The following GABRB3 variants were observed in gnomAD, a reference collection of about 807,000 sequenced individuals.
The protein encoded by GABRB3 is gamma-aminobutyric acid receptor subunit beta-3.
Under a neutral mutation model 52.1 loss-of-function variants are expected in GABRB3, and 14 were observed. The observed-to-expected ratio is 0.27, with a 90% confidence interval of 0.18 to 0.42. The LOEUF is 0.42. Ranked by LOEUF, GABRB3 falls within the 10% of genes least tolerant of loss-of-function variation. The pLI, the probability that GABRB3 is intolerant of heterozygous loss-of-function variation, is 1.00. For missense variants in GABRB3, 307 were observed against 609.1 expected, an observed-to-expected ratio of 0.50 and a Z score of 5.22; for synonymous variants, 260 against 232.3, an observed-to-expected ratio of 1.12 and a Z score of -1.08.
At chr15:26,629,091 G>A in intron 3 of GABRB3, 3 of 1,535,886 alleles carry the variant, frequency 2.0e-6, no homozygotes, top group Admixed American at 2.0e-5. Context: ...AGTTGTGACT[G>A]TCGCTTCCTC....
rs56830417 is a variant in GABRB3 at position 26,554,101 on chromosome 15, T to TATGTGTATATATA, written c.1081-5968_1081-5967insTATATATACACAT. Among the ~76,000 whole-genome samples the TATGTGTATATATA allele has an allele frequency of 3.3e-3, 234 of 69,996 alleles. 7 individuals carry two copies. Among genetic ancestry groups the TATGTGTATATATA allele is most frequent in the Admixed American group, 0.021 (104 of 5,008 alleles). The allele number at this position is 69,996 out of a possible 152,430, so 45.9% of individuals were successfully genotyped here. A position where few individuals can be genotyped will look rare whatever the true frequency, so the allele number is the denominator to read the frequency against. ...ATATAAAGTGTATATATGTATAAAGTGTGTGTATATATATAAAGTGTGTGT... is the reference window on the plus strand; with the variant it reads ...ATATAAAGTGTATATATGTATAAAGTATGTGTATATATAGTGTGTATATATATAAAGTGTGTGT... On this transcript the variant is annotated intron_variant, in intron 8 of 8. Transcript: ENST00000311550.
chr15:26,655,858 C>A lies in GABRB3; in HGVS notation c.241-34324G>T, dbSNP rs925119427. Reference sequence around the variant, plus strand: ...CTGCTAATCAGCTCATTAGACAGACCAAAGAGAAAGCTCATTATTGTTTTC... The same window carrying A: ...CTGCTAATCAGCTCATTAGACAGACAAAAGAGAAAGCTCATTATTGTTTTC... On this transcript the variant is annotated intron_variant, in intron 3 of 8. Coordinates refer to ENST00000311550, the MANE Select transcript of GABRB3 (RefSeq NM_000814.6). 1.4e-4 allele frequency among the ~76,000 whole-genome samples: 22 copies of A among 152,088 alleles called. 1 individual carries two copies. The highest frequency in any genetic ancestry group is 2.9e-5 in the Non-Finnish European group (2 of 68,024).
chr15:26,592,937 C>G (rs553317170), intron 4 of GABRB3, among the ~76,000 whole-genome samples: 35 of 152,168 alleles, frequency 2.3e-4, no homozygotes, highest in Non-Finnish European at 3.4e-4. Context: ...ATTGCTTGAA[C>G]CTGGGAGGTG....
At chr15:26,620,730 G>A (rs1325614549) in intron 4 of GABRB3, among the ~76,000 whole-genome samples, 3 of 152,156 alleles carry the variant, frequency 2.0e-5, no homozygotes, top group Non-Finnish European at 4.4e-5. Context: ...GGTTTCCAGG[G>A]CAACCAGGGA....
At chr15:26,640,711 C>G (rs1028975564) in intron 3 of GABRB3, among the ~76,000 whole-genome samples, 1 of 152,178 alleles carries the variant, frequency 6.6e-6, no homozygotes, top group Non-Finnish European at 1.5e-5. Context: ...TTCAAAGTGT[C>G]CTTTATGTTT....
In GABRB3 at chr15:26,755,526, AT is replaced by A. The variant is rs1890637529; in HGVS notation, c.240+16875del. The stretch of plus-strand genomic sequence containing the variant: ...ATGAAAGTATATGCTATTTTTTACT[AT>A]TATATGAGATGATGTTGGAATAATG... On this transcript the variant is annotated intron_variant, in intron 3 of 8. Coordinates refer to ENST00000311550, the MANE Select transcript of GABRB3 (RefSeq NM_000814.6). Among the ~76,000 whole-genome samples the A allele has an allele frequency of 4.6e-5, 7 of 152,278 alleles. 1 individual carries two copies. The Middle Eastern group carries it at 0.017, about 370-fold the overall frequency.
chr15:26,735,419 C>T (rs1890039237), intron 3 of GABRB3, among the ~76,000 whole-genome samples: 1 of 152,116 alleles, frequency 6.6e-6, no homozygotes. Flanking sequence ...TTCTGGGAAT[C>T]CCACCCAAAA....
intron 3 of GABRB3, among the ~76,000 whole-genome samples, chr15:26,729,383 C>A (rs1490297662): frequency 6.6e-6 from 1 of 152,080 alleles, no homozygotes; most frequent in Non-Finnish European, 1.5e-5. Flanking sequence ...GCTCCTGAAC[C>A]CAAGAAGGCT....
At chr15:26,615,329 C>T in intron 4 of GABRB3, 1 of 985,354 alleles carries the variant, frequency 1.0e-6, no homozygotes, top group Middle Eastern at 5.2e-4. Flanking sequence ...TTTAGGATGG[C>T]ATGCATACCC....
chr15:26,690,106 A>T (rs972081479), intron 3 of GABRB3, among the ~76,000 whole-genome samples: 1 of 137,486 alleles, frequency 7.3e-6, no homozygotes, highest in Non-Finnish European at 1.5e-5. Flanking sequence ...AGGTACACGG[A>T]TTTTTTTTTT....
intron 3 of GABRB3, among the ~76,000 whole-genome samples, chr15:26,702,180 G>T (rs561219032): frequency 6.6e-6 from 1 of 152,182 alleles, no homozygotes; most frequent in South Asian, 2.1e-4. Flanking sequence ...ATCTTATATT[G>T]GGAAAGGATT....
chr15:26,633,737 C>A (rs1450067723), intron 3 of GABRB3, among the ~76,000 whole-genome samples: 2 of 152,180 alleles, frequency 1.3e-5, no homozygotes, highest in African/African-American at 2.4e-5. Flanking sequence ...AAAGCCCGTG[C>A]ACCTGGAACT....
chr15:26,681,608 C>A (rs2140648571), intron 3 of GABRB3, among the ~76,000 whole-genome samples: 1 of 152,218 alleles, frequency 6.6e-6, no homozygotes, highest in Admixed American at 6.5e-5. Context: ...TATCTTGGTT[C>A]TAATTAATGA....
chr15:26,549,600 T>C (rs1889384192), intron 8 of GABRB3, among the ~76,000 whole-genome samples: 1 of 152,162 alleles, frequency 6.6e-6, no homozygotes, highest in Admixed American at 6.5e-5. Context: ...TCAGTTGCCA[T>C]GAACCCCTAG....
intron 3 of GABRB3, among the ~76,000 whole-genome samples, chr15:26,673,219 CTTCT>C (rs1453648876): frequency 6.6e-6 from 1 of 152,032 alleles, no homozygotes; most frequent in Non-Finnish European, 1.5e-5. Flanking sequence ...TCCTTCCTTC[CTTCT>C]TTCCTTCCTT....
intron 3 of GABRB3, among the ~76,000 whole-genome samples, chr15:26,669,294 T>C (rs1327721079): frequency 2.0e-5 from 3 of 152,190 alleles, no homozygotes; most frequent in Non-Finnish European, 4.4e-5. Flanking sequence ...TTTAGACAGC[T>C]TGGATTAAGT....
intron 3 of GABRB3, among the ~76,000 whole-genome samples, chr15:26,695,720 A>T (rs1252043318): frequency 2.0e-5 from 3 of 152,214 alleles, no homozygotes; most frequent in Non-Finnish European, 4.4e-5. Flanking sequence ...TTCTTAATTG[A>T]TCTAACAAAT....
chr15:26,560,866 T>C (rs1595440101), intron 8 of GABRB3, 66 bp downstream of exon 8: 2 of 1,605,846 alleles, frequency 1.2e-6, no homozygotes, highest in African/African-American at 1.3e-5. Context: ...AGAAATATCA[T>C]GCAAGTAAAT....
chr15:26,703,887 G>A (rs953887007), intron 3 of GABRB3, among the ~76,000 whole-genome samples: 10 of 152,164 alleles, frequency 6.6e-5, no homozygotes, highest in East Asian at 3.9e-4. Flanking sequence ...CTGGCTTTGC[G>A]GGACCCACAC....
Sources: gnomAD v4.1 joint callset for allele counts (sites outside exome capture counted in the v4.1 genomes callset) on GRCh38, gnomAD v4.1.1 for gene constraint, MANE v1.5 for transcripts, NCBI Gene and HGNC (gene_info 2026-07-23, HGNC 2026-07-21) for gene names.